CDIN1: variants seen among roughly 807,000 people sequenced by gnomAD.
The protein encoded by CDIN1 is CDAN1-interacting nuclease 1.
A neutral mutation model predicts 45.3 loss-of-function variants in CDIN1; 33 were observed. The ratio of observed to expected loss-of-function variants is 0.73; its 90% CI spans 0.55 to 0.97. The LOEUF (loss-of-function observed/expected upper bound fraction) is 0.97, where lower values mean the gene tolerates loss of function less well. Ranked by LOEUF, CDIN1 falls within the 50% of genes least tolerant of loss-of-function variation. The pLI is 0.00. For missense variants in CDIN1, 303 were observed against 339.4 expected (o/e 0.89, Z 0.84); for synonymous variants, 118 against 124.4 (o/e 0.95, Z 0.34).
At chr15:36,596,174 G>GA (rs11325536) in intron 1 of CDIN1, among the ~76,000 whole-genome samples, 21 of 112,926 alleles carry the variant, frequency 1.9e-4, no homozygotes, top group South Asian at 9.8e-4. Flanking sequence ...TTGTTGATGT[G>GA]AAAAAAAAAA....
At chr15:36,699,983 T>G (rs2042574147) in intron 8 of CDIN1, among the ~76,000 whole-genome samples, 1 of 152,194 alleles carries the variant, frequency 6.6e-6, no homozygotes, top group Admixed American at 6.5e-5. Context: ...GAAAATATTT[T>G]TCATGTGCAT....
Position 36,784,145 on chromosome 15 carries a change from A to C in CDIN1, c.717-24179A>C, listed in dbSNP as rs2054427435. On this transcript the variant is annotated intron_variant, in intron 10 of 10. Coordinates refer to ENST00000566621, the MANE Select transcript of CDIN1 (RefSeq NM_001321759.2). ...ATATGCATTTTTAAGGTAAATTTTT[A>C]TTCCTTTAAATTGTCTCAATCCTAT... 3.3e-5 allele frequency among the ~76,000 whole-genome samples: 5 copies of C among 152,212 alleles called. No homozygotes were observed. The South Asian group carries it at 1.0e-3, about 31-fold the overall frequency.
At chr15:36,735,583 A>T (rs2043988759) in intron 10 of CDIN1, among the ~76,000 whole-genome samples, 3 of 152,178 alleles carry the variant, frequency 2.0e-5, no homozygotes, top group Non-Finnish European at 4.4e-5. Context: ...TATGTGATCA[A>T]CTTTAAAATT....
At chr15:36,801,092 C>T (rs563539053) in intron 10 of CDIN1, among the ~76,000 whole-genome samples, 10 of 150,686 alleles carry the variant, frequency 6.6e-5, no homozygotes, top group South Asian at 2.1e-4. Context: ...CAGATCATTC[C>T]GTAGTCTACT....
At chr15:36,659,495 T>C (rs1290217209) in intron 5 of CDIN1, among the ~76,000 whole-genome samples, 2 of 152,156 alleles carry the variant, frequency 1.3e-5, no homozygotes, top group Non-Finnish European at 2.9e-5. Flanking sequence ...AGGAGGCGAA[T>C]GTAAATATTG....
intron 10 of CDIN1, among the ~76,000 whole-genome samples, chr15:36,711,209 A>C (rs1433756590): frequency 6.6e-6 from 1 of 152,154 alleles, no homozygotes; most frequent in Non-Finnish European, 1.5e-5. Flanking sequence ...GTATAGGGAA[A>C]GCAATGACAG....
Position 36,645,240 on chromosome 15 carries a change from A to T in CDIN1, c.165A>T (p.Thr55=). The change falls in exon 3 of 11, where the codon ACA becomes ACT. Residue 55 remains threonine (T), a synonymous_variant. Transcript: ENST00000566621. ...TCTTTCAGAAACACATTAAAAGAACACATGCCAAACATCATACTTCGGAAG... is the reference window on the plus strand; with the variant it reads ...TCTTTCAGAAACACATTAAAAGAACTCATGCCAAACATCATACTTCGGAAG... ...SQEYQKHIKR[T]HAKHHTSEAI... The T allele has an allele frequency of 6.4e-7, 1 of 1,552,826 alleles. No individual in the cohort carries two copies. The highest frequency in any genetic ancestry group is 8.7e-7 in the Non-Finnish European group (1 of 1,147,362).
intron 10 of CDIN1, among the ~76,000 whole-genome samples, chr15:36,781,315 G>T (rs918408309): frequency 6.6e-6 from 1 of 152,112 alleles, no homozygotes; most frequent in Non-Finnish European, 1.5e-5. Context: ...AAAATTTAAA[G>T]ATATTAGGGC....
chr15:36,644,443 C>A, intron 2 of CDIN1, 120 bp downstream of exon 2: 1 of 1,001,122 alleles, frequency 1.0e-6, no homozygotes, highest in Non-Finnish European at 1.5e-6. Context: ...TTCTCCTTTC[C>A]ACATCAAGCA....
intron 10 of CDIN1, among the ~76,000 whole-genome samples, chr15:36,769,606 C>G (rs1471868246): frequency 6.6e-6 from 1 of 152,164 alleles, no homozygotes; most frequent in Admixed American, 6.5e-5. Flanking sequence ...GCACCATAGC[C>G]TAGCCTAAGT....
rs2039462742 is a variant in CDIN1, at chr15:36,627,077, C to A, written c.102-17201C>A. The A allele has an allele frequency of 4.0e-5, 7 of 173,342 alleles. No individual in the cohort carries two copies. In the South Asian group the frequency reaches 1.1e-3, roughly 26 times the overall value. 10.7% of individuals were successfully genotyped at this position (173,342 alleles called of 1,614,324 possible). A position where few individuals can be genotyped will look rare whatever the true frequency, so the allele number is the denominator to read the frequency against. The stretch of plus-strand genomic sequence containing the variant: ...ATGGTCTGGGATGAGTCTGAGGAAG[C>A]TCCTAGGCTACAGCACCAGTTCCTT... On this transcript the variant is annotated intron_variant, in intron 1 of 10. Transcript: ENST00000566621.
chr15:36,808,631 C>A lies in CDIN1; in HGVS notation c.*178C>A. 1.2e-6 allele frequency: 1 copy of A among 848,648 alleles called. No individual in the cohort carries two copies. The highest frequency in any genetic ancestry group is 1.8e-6 in the Non-Finnish European group (1 of 561,688). The allele number at this position is 848,648 out of a possible 1,614,324, so 52.6% of individuals were successfully genotyped here. On this transcript the variant is annotated 3_prime_UTR_variant, in exon 11 of 11. Transcript: ENST00000566621. ...ATCAAGAGTTTCTGTTTTCCTTCAT[C>A]CCTTGCTGATGTGAACAGCCAAGAA...
chr15:36,807,060 C>T (rs2055251875), intron 10 of CDIN1, among the ~76,000 whole-genome samples: 1 of 152,198 alleles, frequency 6.6e-6, no homozygotes, highest in Non-Finnish European at 1.5e-5. Context: ...TCTCATGGTT[C>T]TGTACCTGCA....
At chr15:36,628,633 T>C (rs1202080206) in intron 1 of CDIN1, among the ~76,000 whole-genome samples, 2 of 152,122 alleles carry the variant, frequency 1.3e-5, no homozygotes, top group Non-Finnish European at 2.9e-5. Flanking sequence ...GAGTTGATTC[T>C]GTGATGAGTT....
chr15:36,645,007 C>T (rs1481508610), intron 2 of CDIN1, among the ~76,000 whole-genome samples: 5 of 152,162 alleles, frequency 3.3e-5, no homozygotes, highest in Non-Finnish European at 4.4e-5. Flanking sequence ...CCTTGTGGTA[C>T]AGTCTGAAGA....
At chr15:36,804,104 T>C (rs1361671235) in intron 10 of CDIN1, among the ~76,000 whole-genome samples, 2 of 152,176 alleles carry the variant, frequency 1.3e-5, no homozygotes, top group Admixed American at 1.3e-4. Context: ...TTTTTACTTG[T>C]AGAACAGGGA....
At chr15:36,717,347 T>C (rs939339009) in intron 10 of CDIN1, among the ~76,000 whole-genome samples, 1 of 152,182 alleles carries the variant, frequency 6.6e-6, no homozygotes, top group Non-Finnish European at 1.5e-5. Context: ...TCCCTGCACC[T>C]CTGTAACCAC....
At chr15:36,701,849 A>C (rs1566913345) in intron 8 of CDIN1, among the ~76,000 whole-genome samples, 1 of 152,168 alleles carries the variant, frequency 6.6e-6, no homozygotes, top group African/African-American at 2.4e-5. Flanking sequence ...GAGAGAGTAT[A>C]ATCTGTAAAG....
chr15:36,703,343 G>A (rs371320762), intron 8 of CDIN1, among the ~76,000 whole-genome samples: 1 of 43,958 alleles, frequency 2.3e-5, no homozygotes, highest in South Asian at 5.8e-4. Context: ...AGATCTATCA[G>A]ATATATACAT....
Sources: allele counts gnomAD v4.1 joint callset (sites outside exome capture counted in the v4.1 genomes callset), GRCh38; gene constraint gnomAD v4.1.1; transcripts MANE v1.5; gene names NCBI Gene and HGNC (gene_info 2026-07-23, HGNC 2026-07-21).